The following FYB2 variants were observed in gnomAD, a reference collection of about 807,000 sequenced individuals.
The protein encoded by FYB2 is FYN-binding protein 2.
Under a neutral mutation model 94.1 loss-of-function variants are expected in FYB2, and 103 were observed. That is an observed-to-expected ratio of 1.09 (90% CI 0.93 to 1.29). The LOEUF (loss-of-function observed/expected upper bound fraction) is 1.29. FYB2 is among the 50% of genes most tolerant of loss of function. The pLI, the probability that FYB2 is intolerant of heterozygous loss-of-function variation, is 0.00. For missense variants in FYB2, 896 were observed against 841.5 expected, an observed-to-expected ratio of 1.06 and a Z score of -0.80; for synonymous variants, 293 against 287.9, an observed-to-expected ratio of 1.02 and a Z score of -0.18.
At chr1:56,778,312 G>T (rs1337203623) in intron 4 of FYB2, among the ~76,000 whole-genome samples, 1 of 152,148 alleles carries the variant, frequency 6.6e-6, no homozygotes, top group Non-Finnish European at 1.5e-5. Context: ...CACTGTTATA[G>T]TCTTGAAATT....
intron 4 of FYB2, 128 bp from the exon 5 acceptor site, chr1:56,768,066 G>A (rs1019384692): frequency 3.1e-6 from 2 of 639,870 alleles, no homozygotes; most frequent in Non-Finnish European, 2.7e-6. Context: ...GCATATATGG[G>A]AGGCACACTA....
chr1:56,721,150 A>G (rs970071249), intron 17 of FYB2, among the ~76,000 whole-genome samples: 1 of 152,040 alleles, frequency 6.6e-6, no homozygotes, highest in African/African-American at 2.4e-5. Flanking sequence ...GACCTTGGGT[A>G]TCTTTTCCTG....
intron 14 of FYB2, chr1:56,737,508 T>C (rs1327951672): frequency 6.1e-6 from 1 of 165,112 alleles, no homozygotes; most frequent in Non-Finnish European, 1.3e-5. Flanking sequence ...ACTGCTAGAA[T>C]AGTGAGAGGT....
At chr1:56,765,488 G>T (rs2100796496) in intron 5 of FYB2, among the ~76,000 whole-genome samples, 1 of 152,332 alleles carries the variant, frequency 6.6e-6, no homozygotes, top group Non-Finnish European at 1.5e-5. Context: ...CCTGCTGAGG[G>T]TAGATGTCCA....
intron 1 of FYB2, among the ~76,000 whole-genome samples, chr1:56,814,403 A>G (rs990022616): frequency 3.9e-5 from 6 of 152,190 alleles, no homozygotes; most frequent in Non-Finnish European, 8.8e-5. Flanking sequence ...GGTTTGGAGA[A>G]GGGAAGATTT....
At chr1:56,725,977 C>A (rs865949583) in intron 16 of FYB2, among the ~76,000 whole-genome samples, 2 of 152,054 alleles carry the variant, frequency 1.3e-5, no homozygotes, top group Non-Finnish European at 2.9e-5. Flanking sequence ...CATCCTCTCA[C>A]AACCACTTGG....
intron 7 of FYB2, among the ~76,000 whole-genome samples, chr1:56,754,679 T>C (rs192636841): frequency 6.6e-6 from 1 of 152,222 alleles, no homozygotes; most frequent in East Asian, 1.9e-4. Flanking sequence ...TAATATTTTA[T>C]TGTGATTTCC....
intron 4 of FYB2, among the ~76,000 whole-genome samples, chr1:56,778,787 C>A (rs1480471234): frequency 6.6e-6 from 1 of 152,098 alleles, no homozygotes; most frequent in Non-Finnish European, 1.5e-5. Context: ...TATATCATTG[C>A]CTCATACCAT....
At chr1:56,795,225 A>C (rs1646367920) in intron 1 of FYB2, among the ~76,000 whole-genome samples, 2 of 152,102 alleles carry the variant, frequency 1.3e-5, no homozygotes, top group Non-Finnish European at 2.9e-5. Flanking sequence ...GAGGAATCAT[A>C]GAGTATTTGT....
chr1:56,821,881 T>C (rs1646994946), upstream of FYB2, among the ~76,000 whole-genome samples: 1 of 152,146 alleles, frequency 6.6e-6, no homozygotes, highest in Non-Finnish European at 1.5e-5. Flanking sequence ...TTGCTGACAT[T>C]GTGGGGAAAG....
intron 4 of FYB2, among the ~76,000 whole-genome samples, chr1:56,780,617 T>C (rs1382066684): frequency 1.3e-5 from 2 of 152,188 alleles, no homozygotes; most frequent in Non-Finnish European, 2.9e-5. Context: ...CTTACTGTAC[T>C]TCATGGGTGG....
chr1:56,738,959 G>T (rs1644890011), intron 13 of FYB2, among the ~76,000 whole-genome samples: 2 of 152,048 alleles, frequency 1.3e-5, no homozygotes, highest in Admixed American at 6.6e-5. Context: ...AACAAAAGAA[G>T]GCTGGAGGAG....
At chr1:56,794,452 A>C (rs1416148830) in intron 1 of FYB2, among the ~76,000 whole-genome samples, 1 of 152,130 alleles carries the variant, frequency 6.6e-6, no homozygotes, top group Admixed American at 6.5e-5. Context: ...TTTTAATTTC[A>C]TTTACACAGA....
chr1:56,793,498 T>C lies in FYB2; in HGVS notation c.10-695A>G, dbSNP rs550602208. ...AAACAGAAAACCAACTACTGCATGT[T>C]CTCACTTACAAGTAGGAGCTAAACA... is the stretch of plus-strand genomic sequence containing the variant. On this transcript the variant is annotated intron_variant, in intron 1 of 19. Transcript: ENST00000343433. Among the ~76,000 whole-genome samples, 3 of 152,274 alleles carry C rather than the reference T, an allele frequency of 2.0e-5. No individual in the cohort carries two copies. The South Asian group carries it at 6.2e-4, about 32-fold the overall frequency.
At chr1:56,761,908 G>C (rs1645503261) in intron 5 of FYB2, 1 of 151,934 alleles carries the variant, frequency 6.6e-6, no homozygotes, top group African/African-American at 2.4e-5. Context: ...TTTTGTATAA[G>C]GTGTGAGACT....
chr1:56,757,687 C>CTTCCTTCTTTCTTTCTTTCT (rs1293394860), intron 6 of FYB2, among the ~76,000 whole-genome samples: 10 of 71,928 alleles, frequency 1.4e-4, no homozygotes, highest in Admixed American at 5.3e-4. Context: ...TCCTTCCTTC[C>CTTCCTTCTTTCTTTCTTTCT]TTCTTTCTTT....
At chr1:56,785,837 T>C (rs78062928) in intron 4 of FYB2, among the ~76,000 whole-genome samples, 3,850 of 152,252 alleles carry the variant, frequency 0.025, 74 homozygotes, top group South Asian at 0.1. Flanking sequence ...GTTGACTGGA[T>C]CAATACCCCA....
chr1:56,777,269 A>AAAAAAAAAATAAAC (rs1645901509), intron 4 of FYB2, among the ~76,000 whole-genome samples: 1 of 150,542 alleles, frequency 6.6e-6, no homozygotes, highest in African/African-American at 2.4e-5. Context: ...AAAAAAAAAA[A>AAAAAAAAAATAAAC]AAAAAGAAAA....
At chr1:56,743,762 C>T (rs1645008763) in intron 11 of FYB2, among the ~76,000 whole-genome samples, 1 of 151,956 alleles carries the variant, frequency 6.6e-6, no homozygotes, top group Non-Finnish European at 1.5e-5. Context: ...CAGACTTACA[C>T]TGTGAAAAGA....
Sources: gnomAD v4.1 joint callset for allele counts (sites outside exome capture counted in the v4.1 genomes callset) on GRCh38, gnomAD v4.1.1 for gene constraint, MANE v1.5 for transcripts, NCBI Gene and HGNC (gene_info 2026-07-23, HGNC 2026-07-21) for gene names.